Variants in RBM10 observed in about 807,000 individuals in gnomAD.
The protein encoded by RBM10 is RNA-binding protein 10.
Under a neutral mutation model 84.9 loss-of-function variants are expected in RBM10, and 1 was observed. The ratio of observed to expected loss-of-function variants is 0.01; its 90% CI spans 0.00 to 0.06. The LOEUF (loss-of-function observed/expected upper bound fraction) is 0.06, where lower values mean the gene tolerates loss of function less well. Ranked by LOEUF, RBM10 falls within the 10% of genes least tolerant of loss-of-function variation. RBM10 has a pLI of 1.00. For synonymous variants in RBM10, 326 were observed against 344.5 expected, an observed-to-expected ratio of 0.95 and a Z score of 0.60; for missense variants, 438 against 839.0, an observed-to-expected ratio of 0.52 and a Z score of 5.90.
rs2147225170 is a variant in RBM10, at chrX:47,186,251, C to A, written c.2538-7C>A. 1.7e-6 allele frequency: 2 copies of A among 1,209,613 alleles called. No homozygotes were observed. Among genetic ancestry groups the A allele is most frequent in the Non-Finnish European group, 2.2e-6 (2 of 894,371 alleles). ...CCGACCACTCATGCTGTGCACCGCC[C>A]CTGCAGAGACTTCGAGCAGCCTACT... is the stretch of plus-strand genomic sequence containing the variant. On this transcript the variant is annotated splice_region_variant and splice_polypyrimidine_tract_variant and intron_variant, in intron 22 of 23. Coordinates refer to ENST00000377604, the MANE Select transcript of RBM10 (RefSeq NM_005676.5).
intron 1 of RBM10, among the ~76,000 whole-genome samples, chrX:47,146,713 T>C (rs942998793): frequency 8.1e-5 from 9 of 111,337 alleles, no homozygotes; most frequent in Non-Finnish European, 1.3e-4. Context: ...AGGACCGGGC[T>C]GCACATAAGA....
At chrX:47,186,222 C>T (rs1556782489) in intron 22 of RBM10, 36 bp from the exon 23 acceptor site, 1 of 1,209,323 alleles carries the variant, frequency 8.3e-7, no homozygotes. Flanking sequence ...CCGGGGCCGG[C>T]AGGCCGACCA....
At chrX:47,176,709 C>CCT (rs1467332735) in intron 7 of RBM10, 123 bp downstream of exon 7, 12 of 1,058,545 alleles carry the variant, frequency 1.1e-5, no homozygotes, top group African/African-American at 8.8e-5. Flanking sequence ...CTCTCCTCTC[C>CCT]CTCTGTCTCT....
chrX:47,146,675 G>T (rs1556762136), intron 1 of RBM10, among the ~76,000 whole-genome samples: 1 of 110,905 alleles, frequency 9.0e-6, no homozygotes, highest in Admixed American at 9.5e-5. Context: ...TGGAAACCGG[G>T]CTTGAGCCCT....
At chrX:47,172,147 G>A (rs1043298817) in intron 4 of RBM10, among the ~76,000 whole-genome samples, 11 of 112,029 alleles carry the variant, frequency 9.8e-5, no homozygotes, top group African/African-American at 2.9e-4. Flanking sequence ...TCCATCCTTC[G>A]GATGAGGAAA....
At chrX:47,172,335 G>A (rs1406856167) in intron 4 of RBM10, among the ~76,000 whole-genome samples, 2 of 112,078 alleles carry the variant, frequency 1.8e-5, no homozygotes, top group African/African-American at 3.2e-5. Flanking sequence ...TTTTCACCCT[G>A]TGTATGGGTG....
chrX:47,145,345 C>A lies in RBM10; in HGVS notation c.-266C>A. 1.1e-6 allele frequency: 1 copy of A among 922,887 alleles called. No homozygotes were observed. Among genetic ancestry groups the A allele is most frequent in the Non-Finnish European group, 1.5e-6 (1 of 660,888 alleles). 76.1% of individuals were successfully genotyped at this position (922,887 alleles called of 1,213,427 possible). ...TGGGAGGGCAGCGCGCTTGGCGCTTCTCCCCTCCCCCCGATCTGCCTCCAG... is the reference window on the plus strand; with the variant it reads ...TGGGAGGGCAGCGCGCTTGGCGCTTATCCCCTCCCCCCGATCTGCCTCCAG... On this transcript the variant is annotated 5_prime_UTR_variant, in exon 1 of 24. Coordinates refer to ENST00000377604, the MANE Select transcript of RBM10 (RefSeq NM_005676.5).
chrX:47,174,347 G>A (rs868920611), intron 5 of RBM10, among the ~76,000 whole-genome samples: 17 of 111,507 alleles, frequency 1.5e-4, no homozygotes, highest in African/African-American at 5.5e-4. Context: ...AACCTGGACT[G>A]TTTGTGGCTG....
chrX:47,145,462 T>C lies in RBM10; in HGVS notation c.-149T>C, dbSNP rs5952419. ...GGCAGAGGTGATGTCTGGGAGCCCT[T>C]CCTTGACAGCCCGGGCCGAGAAGGT... On this transcript the variant is annotated 5_prime_UTR_variant, in exon 1 of 24. Coordinates refer to ENST00000377604, the MANE Select transcript of RBM10 (RefSeq NM_005676.5). 18,141 of 1,150,321 alleles carry C rather than the reference T, an allele frequency of 0.016. 1,800 individuals are homozygous for C. In the African/African-American group the frequency reaches 0.29, roughly 18 times the overall value. 94.8% of individuals were successfully genotyped at this position (1,150,321 alleles called of 1,213,427 possible). A position where few individuals can be genotyped will look rare whatever the true frequency, so the allele number is the denominator to read the frequency against.
chrX:47,150,546 C>T (rs1453111204), intron 2 of RBM10, among the ~76,000 whole-genome samples: 20 of 111,699 alleles, frequency 1.8e-4, no homozygotes, highest in African/African-American at 5.9e-4. Flanking sequence ...CGGTAGGCTC[C>T]GGTTTTATTT....
chrX:47,186,324 C>A lies in RBM10; in HGVS notation c.2604C>A (p.Ala868=), dbSNP rs1556782596. 1 of 1,202,756 alleles carries A rather than the reference C, an allele frequency of 8.3e-7. No individual in the cohort carries two copies. Among genetic ancestry groups the A allele is most frequent in the East Asian group, 3.0e-5 (1 of 33,273 alleles). The part of the protein sequence containing the change: ...SDNIGSRMLQ[A]MGWKEGSGLG... ...ACATTGGCAGTCGGATGCTGCAGGCCATGGGCTGGAAAGAGGGCAGCGGCC... is the reference window on the plus strand; with the variant it reads ...ACATTGGCAGTCGGATGCTGCAGGCAATGGGCTGGAAAGAGGGCAGCGGCC... Residue 868 remains alanine (A), a synonymous_variant, in exon 23 of 24, where the codon GCC becomes GCA. Transcript: ENST00000377604.
Position 47,186,378 on chromosome X carries a change from G to A in RBM10, c.2658G>A (p.Thr886=), listed in dbSNP as rs782005197. ...GCCGCAAGAAGCAGGGCATTGTAAC[G>A]CCTATCGAGGTGAGTCTCAGGCAGT... ...GLGRKKQGIV[T]PIEAQTRVRG... The change falls in exon 23 of 24, where the codon ACG becomes ACA. Residue 886 remains threonine (T), a synonymous_variant. Coordinates refer to ENST00000377604, the MANE Select transcript of RBM10 (RefSeq NM_005676.5). 6.7e-6 allele frequency: 8 copies of A among 1,194,365 alleles called. No individual in the cohort carries two copies. The highest frequency in any genetic ancestry group is 3.1e-5 in the East Asian group (1 of 32,670).
chrX:47,166,917 A>G (rs1934269886), intron 2 of RBM10, among the ~76,000 whole-genome samples: 1 of 109,290 alleles, frequency 9.1e-6, no homozygotes, highest in African/African-American at 3.3e-5. Flanking sequence ...CTGGGACTAC[A>G]GGTGCGTGTC....
At chrX:47,173,476 C>T (rs1349080469) in intron 5 of RBM10, among the ~76,000 whole-genome samples, 4 of 112,327 alleles carry the variant, frequency 3.6e-5, no homozygotes, top group African/African-American at 1.3e-4. Flanking sequence ...CCAGGCACCT[C>T]CTCTCTGGGA....
At chrX:47,184,899 G>A (rs1215880033) in intron 17 of RBM10, among the ~76,000 whole-genome samples, 156 bp from the exon 18 acceptor site, 2 of 110,971 alleles carry the variant, frequency 1.8e-5, no homozygotes, top group Non-Finnish European at 3.8e-5. Context: ...GTCAGGAGCC[G>A]TAGCCCAGAG....
chrX:47,159,269 C>T (rs1171881246), intron 2 of RBM10, among the ~76,000 whole-genome samples: 5 of 110,819 alleles, frequency 4.5e-5, no homozygotes, highest in Admixed American at 9.6e-5. Context: ...ATTAGCCAGG[C>T]GTGGTGGCAC....
chrX:47,153,254 A>G (rs1556764190), intron 2 of RBM10, among the ~76,000 whole-genome samples: 1 of 112,090 alleles, frequency 8.9e-6, no homozygotes, highest in Admixed American at 9.5e-5. Flanking sequence ...ATTATATAGT[A>G]CTTTTATTCT....
chrX:47,163,762 G>T (rs1396629090), intron 2 of RBM10, among the ~76,000 whole-genome samples: 8 of 95,640 alleles, frequency 8.4e-5, no homozygotes, highest in South Asian at 4.8e-4. Flanking sequence ...GCGCGATCTC[G>T]GCTCACTGCA....
At position 47,181,622 on chromosome X, in the gene RBM10, C is replaced by T. The variant is rs782348354; in HGVS notation, c.1551C>T (p.Ser517=). The T allele has an allele frequency of 6.6e-6, 8 of 1,206,981 alleles. No individual in the cohort carries two copies. In the South Asian group the frequency reaches 8.9e-5, roughly 13 times the overall value. ...IYQQSAEASS[S]QGTAANSQSY... is the part of the protein sequence containing the mutation. ...AACAATCAGCCGAGGCGAGCAGTAG[C>T]CAGGGCACTGCTGCCAACAGCCAGG... Residue 517 remains serine, a synonymous_variant, in exon 14 of 24, where the codon AGC becomes AGT. Transcript: ENST00000377604.
Sources: gnomAD v4.1 joint callset for allele counts (sites outside exome capture counted in the v4.1 genomes callset) on GRCh38, gnomAD v4.1.1 for gene constraint, MANE v1.5 for transcripts, NCBI Gene and HGNC (gene_info 2026-07-23, HGNC 2026-07-21) for gene names.